The following SLC7A14 variants were observed in gnomAD, a reference collection of about 807,000 sequenced individuals.
SLC7A14 encodes solute carrier family 7 member 14.
In SLC7A14, 37 loss-of-function variants were observed where a neutral mutation model predicts 60.2. The observed-to-expected ratio is 0.61, with a 90% CI of 0.47 to 0.81. The LOEUF is 0.81. SLC7A14 is among the 30% of genes least tolerant of loss of function. The probability of loss-of-function intolerance (pLI) is 0.00; values close to 1 mark genes in which losing one functional copy is unlikely to be tolerated. For synonymous variants in SLC7A14, 399 were observed against 395.8 expected (o/e 1.01, Z -0.10); for missense variants, 886 against 982.7 (o/e 0.90, Z 1.32).
intron 1 of SLC7A14, among the ~76,000 whole-genome samples, chr3:170,581,772 G>C (rs1044615160): frequency 6.6e-6 from 1 of 152,140 alleles, no homozygotes; most frequent in African/African-American, 2.4e-5. Context: ...AGTCCTTTGA[G>C]ATAGTTATGG....
intron 1 of SLC7A14, among the ~76,000 whole-genome samples, chr3:170,562,935 A>AT (rs1714693772): frequency 6.6e-6 from 1 of 151,678 alleles, no homozygotes; most frequent in Non-Finnish European, 1.5e-5. Context: ...TAATTTTTGT[A>AT]TTTTTTAGTA....
chr3:170,534,739 T>C (rs1713787719), intron 1 of SLC7A14, among the ~76,000 whole-genome samples: 1 of 152,100 alleles, frequency 6.6e-6, no homozygotes, highest in African/African-American at 2.4e-5. Context: ...CAGAACAAAA[T>C]AAAGAGAAAC....
At chr3:170,472,962 C>A (rs1176087535) in intron 7 of SLC7A14, among the ~76,000 whole-genome samples, 1 of 152,054 alleles carries the variant, frequency 6.6e-6, no homozygotes, top group Non-Finnish European at 1.5e-5. Context: ...GGTTGTAATG[C>A]ACTTTATATA....
chr3:170,503,052 T>C (rs547853527), intron 2 of SLC7A14: 1 of 152,362 alleles, frequency 6.6e-6, no homozygotes, highest in Non-Finnish European at 1.5e-5. Flanking sequence ...TTTACATCAG[T>C]TACAATATTG....
At chr3:170,553,492 T>A (rs977684161) in intron 1 of SLC7A14, among the ~76,000 whole-genome samples, 2 of 152,250 alleles carry the variant, frequency 1.3e-5, no homozygotes, top group Admixed American at 6.5e-5. Flanking sequence ...ATCATCATCA[T>A]CATCATTGCA....
chr3:170,480,708 G>T lies in SLC7A14; in HGVS notation c.1574C>A (p.Ser525Tyr), dbSNP rs752446863. The part of the protein sequence containing the change: ...DMTTGIEADE[S>Y]ENIYLIKLKK... ...TAACTTGATGAGATAAATATTTTCG[G>T]ATTCATCAGCTTCTATGCCTGTGGT... The change falls in exon 7 of 8, where the codon TCC becomes TAC. Residue 525 changes from serine (S) to tyrosine (Y), a missense_variant. Transcript: ENST00000231706. 9 of 1,614,218 alleles carry T rather than the reference G, an allele frequency of 5.6e-6. No individual in the cohort carries two copies. Among genetic ancestry groups the T allele is most frequent in the East Asian group, 4.5e-5 (2 of 44,886 alleles).
In SLC7A14 at chr3:170,480,435, A is replaced by C; in HGVS notation, c.1847T>G (p.Leu616Arg). 1 of 1,613,700 alleles carries C rather than the reference A, an allele frequency of 6.2e-7. No homozygotes were observed. Among genetic ancestry groups the C allele is most frequent in the Non-Finnish European group, 8.5e-7 (1 of 1,179,680 alleles). The change falls in exon 7 of 8, where the codon CTG becomes CGG. Residue 616 changes from leucine to arginine, a missense_variant. By Grantham distance (102) the Leu-to-Arg change is moderately radical (BLOSUM62 -2). Coordinates refer to ENST00000231706, the MANE Select transcript of SLC7A14 (RefSeq NM_020949.3). Reference sequence around the variant, plus strand: ...CTTCTTGGGGTTCTCTGGCTGCTGCAGGATCACAAACACCAGGGTGCTGAT... The same window carrying C: ...CTTCTTGGGGTTCTCTGGCTGCTGCCGGATCACAAACACCAGGGTGCTGAT... ...LLISTLVFVI[L>R]QQPENPKKLP... is the part of the protein sequence containing the mutation.
At chr3:170,543,106 C>A (rs1714069169) in intron 1 of SLC7A14, among the ~76,000 whole-genome samples, 1 of 152,156 alleles carries the variant, frequency 6.6e-6, no homozygotes, top group Admixed American at 6.5e-5. Flanking sequence ...ACTGTTGGGT[C>A]ATCTTTGCTC....
At chr3:170,507,073 AG>A (rs969254538) in intron 2 of SLC7A14, among the ~76,000 whole-genome samples, 2 of 152,228 alleles carry the variant, frequency 1.3e-5, no homozygotes, top group African/African-American at 4.8e-5. Context: ...GATTAAATCT[AG>A]GGGTTATTCA....
Position 170,463,948 on chromosome 3 carries a change from T to C in SLC7A14, c.*3107A>G, listed in dbSNP as rs1347873569. ...ACCTCTACCTGCATGGGGAAAGATT[T>C]GTTCTTATCATGCAGAAGTACTTCT... is the stretch of plus-strand genomic sequence containing the variant. On this transcript the variant is annotated 3_prime_UTR_variant, in exon 8 of 8. Coordinates refer to ENST00000231706, the MANE Select transcript of SLC7A14 (RefSeq NM_020949.3). The C allele has an allele frequency of 6.6e-6, 1 of 152,258 alleles. No individual in the cohort carries two copies. The highest frequency in any genetic ancestry group is 1.5e-5 in the Non-Finnish European group (1 of 68,046). The allele number at this position is 152,258 out of a possible 1,614,324, so 9.4% of individuals were successfully genotyped here.
chr3:170,510,410 A>T (rs1712941812), intron 2 of SLC7A14, among the ~76,000 whole-genome samples: 1 of 144,112 alleles, frequency 6.9e-6, no homozygotes, highest in Non-Finnish European at 1.5e-5. Context: ...ATAAATAAAT[A>T]AATAAATAAA....
intron 1 of SLC7A14, chr3:170,570,136 C>T (rs2108314724): frequency 6.6e-6 from 1 of 152,084 alleles, no homozygotes; most frequent in Admixed American, 6.6e-5. Flanking sequence ...TGTTCCTTGC[C>T]TAAAGAGGAG....
chr3:170,495,857 C>A, intron 4 of SLC7A14: 1 of 1,204,408 alleles, frequency 8.3e-7, no homozygotes, highest in Non-Finnish European at 1.2e-6. Context: ...TATTTGAGAG[C>A]TACATGAACA....
Position 170,460,251 on chromosome 3 carries a change from A to G in SLC7A14, c.*6804T>C, listed in dbSNP as rs1560242821. 1 of 152,242 alleles carries G rather than the reference A, an allele frequency of 6.6e-6. No homozygotes were observed. The highest frequency in any genetic ancestry group is 6.5e-5 in the Admixed American group (1 of 15,284). 9.4% of individuals were successfully genotyped at this position (152,242 alleles called of 1,614,324 possible). ...CAAGTTAGTAAAATTTACAAGCTGT[A>G]TTTATAACTTTGGATATTAATTAAA... On this transcript the variant is annotated 3_prime_UTR_variant, in exon 8 of 8. Transcript: ENST00000231706.
At chr3:170,500,700 T>C (rs1712579851) in intron 3 of SLC7A14, among the ~76,000 whole-genome samples, 2 of 152,238 alleles carry the variant, frequency 1.3e-5, no homozygotes, top group Non-Finnish European at 2.9e-5. Flanking sequence ...TATATAGTTA[T>C]TGACATGTGC....
At chr3:170,565,819 G>A (rs766128150) in intron 1 of SLC7A14, among the ~76,000 whole-genome samples, 11 of 152,070 alleles carry the variant, frequency 7.2e-5, no homozygotes, top group Non-Finnish European at 1.5e-4. Flanking sequence ...AGAAAATGAA[G>A]AAACAAGTGG....
At chr3:170,568,303 A>C (rs1179222238) in intron 1 of SLC7A14, among the ~76,000 whole-genome samples, 11 of 152,184 alleles carry the variant, frequency 7.2e-5, no homozygotes, top group Non-Finnish European at 1.5e-4. Flanking sequence ...AGGTTTGTCA[A>C]AGATCAGATA....
intron 1 of SLC7A14, among the ~76,000 whole-genome samples, chr3:170,566,211 A>G (rs554366098): frequency 1.3e-5 from 2 of 152,294 alleles, no homozygotes; most frequent in African/African-American, 4.8e-5. Flanking sequence ...TTTTGGTTCC[A>G]AGCATGCAAA....
intron 2 of SLC7A14, among the ~76,000 whole-genome samples, chr3:170,516,717 T>A (rs78664472): frequency 2.2e-4 from 33 of 152,066 alleles, no homozygotes; most frequent in Non-Finnish European, 4.7e-4. Flanking sequence ...CAGGGAGCCA[T>A]GATCATGCCA....
Sources: allele counts gnomAD v4.1 joint callset (sites outside exome capture counted in the v4.1 genomes callset), GRCh38; gene constraint gnomAD v4.1.1; transcripts MANE v1.5; gene names NCBI Gene and HGNC (gene_info 2026-07-23, HGNC 2026-07-21).